The following ACTR3 variants were observed in gnomAD, a reference collection of about 807,000 sequenced individuals.
The protein encoded by ACTR3 is actin-related protein 3.
Under a neutral mutation model 56.8 loss-of-function variants are expected in ACTR3, and 12 were observed. The ratio of observed to expected loss-of-function variants is 0.21; its 90% confidence interval spans 0.14 to 0.34. ACTR3 has a LOEUF of 0.34. Ranked by LOEUF, ACTR3 falls within the 10% of genes least tolerant of loss-of-function variation. The pLI, the probability that ACTR3 is intolerant of heterozygous loss-of-function variation, is 1.00. For missense variants in ACTR3, 282 were observed against 512.5 expected (o/e 0.55, Z 4.34); for synonymous variants, 162 against 167.4 (o/e 0.97, Z 0.25).
intron 6 of ACTR3, among the ~76,000 whole-genome samples, chr2:113,937,991 A>G (rs6710525): frequency 0.12 from 18,612 of 151,952 alleles, 1,822 homozygotes; most frequent in African/African-American, 0.27. Flanking sequence ...GCTGCTTCAC[A>G]GTGTCTCAAA....
intron 1 of ACTR3, among the ~76,000 whole-genome samples, chr2:113,891,110 A>G (rs2104574874): frequency 6.6e-6 from 1 of 152,226 alleles, no homozygotes. Context: ...TTAGTTTCCA[A>G]CCTGAGCACA....
intron 1 of ACTR3, among the ~76,000 whole-genome samples, chr2:113,899,285 ATG>A (rs1188137423): frequency 6.6e-6 from 1 of 152,220 alleles, no homozygotes; most frequent in Non-Finnish European, 1.5e-5. Flanking sequence ...CAATTTGAAA[ATG>A]AATAATCTCC....
chr2:113,948,540 T>C (rs1680062769), intron 8 of ACTR3, among the ~76,000 whole-genome samples: 1 of 152,186 alleles, frequency 6.6e-6, no homozygotes, highest in Non-Finnish European at 1.5e-5. Context: ...AGGACCTTTC[T>C]ATTCCCTTTT....
intron 8 of ACTR3, among the ~76,000 whole-genome samples, chr2:113,944,200 T>C (rs6738134): frequency 0.3 from 45,222 of 151,938 alleles, 11,074 homozygotes; most frequent in African/African-American, 0.67. Context: ...TTGTTACTTA[T>C]CTCAGTGAGA....
intron 8 of ACTR3, among the ~76,000 whole-genome samples, chr2:113,948,245 G>A (rs924700596): frequency 4.6e-5 from 7 of 152,164 alleles, no homozygotes; most frequent in South Asian, 2.1e-4. Context: ...GTCTCCCCAG[G>A]CTCAGGTGAT....
At chr2:113,906,339 T>C (rs1012382568) in intron 1 of ACTR3, among the ~76,000 whole-genome samples, 6 of 152,304 alleles carry the variant, frequency 3.9e-5, no homozygotes, top group Middle Eastern at 3.4e-3. Flanking sequence ...TTGGGCTTTT[T>C]TTGATTGTTG....
chr2:113,947,505 A>G (rs556798281), intron 8 of ACTR3, among the ~76,000 whole-genome samples: 1 of 152,262 alleles, frequency 6.6e-6, no homozygotes, highest in Admixed American at 6.5e-5. Context: ...AATACAAAAA[A>G]TTAGCCAGGC....
intron 1 of ACTR3, among the ~76,000 whole-genome samples, chr2:113,902,986 C>T (rs1404802397): frequency 1.3e-5 from 2 of 152,158 alleles, no homozygotes; most frequent in Non-Finnish European, 2.9e-5. Context: ...ACATAGTTAC[C>T]TTTTTTGTGT....
At chr2:113,900,863 A>C (rs1005364726) in intron 1 of ACTR3, among the ~76,000 whole-genome samples, 5 of 152,236 alleles carry the variant, frequency 3.3e-5, no homozygotes, top group Admixed American at 3.3e-4. Context: ...TCAACAGTCC[A>C]TCAGTATTTT....
intron 5 of ACTR3, 94 bp downstream of exon 5, chr2:113,931,490 A>G (rs551851710): frequency 1.5e-4 from 98 of 670,030 alleles, no homozygotes; most frequent in Admixed American, 2.3e-4. Flanking sequence ...TTTTCTGCAA[A>G]GGTTTAAACA....
At chr2:113,918,865 A>G (rs1031442210) in intron 3 of ACTR3, among the ~76,000 whole-genome samples, 2 of 152,228 alleles carry the variant, frequency 1.3e-5, no homozygotes, top group African/African-American at 2.4e-5. Flanking sequence ...AAAACCAGAT[A>G]ATTGACTATT....
intron 1 of ACTR3, among the ~76,000 whole-genome samples, chr2:113,902,534 A>G (rs1347514928): frequency 3.3e-5 from 5 of 151,994 alleles, no homozygotes; most frequent in African/African-American, 7.2e-5. Context: ...CATTACTGCC[A>G]TAGTAAGAGC....
Position 113,927,347 on chromosome 2 carries a change from G to T in ACTR3, c.228G>T (p.Trp76Cys). Residue 76 changes from tryptophan (W) to cysteine (C), a missense_variant and splice_region_variant, in exon 4 of 12, where the codon TGG becomes TGT. Trp to Cys is a radical substitution (Grantham distance 215). Transcript: ENST00000263238. ...AIEKPTYATKWPIRHGIVEDW... is the reference protein window; with the variant it reads ...AIEKPTYATKCPIRHGIVEDW... The stretch of plus-strand genomic sequence containing the variant: ...TATTTCCCTTTTTGTTTTAATAGTG[G>T]CCAATCCGCCATGGTATAGTTGAAG... 3 of 1,540,960 alleles carry T rather than the reference G, an allele frequency of 1.9e-6. No homozygotes were observed. Among genetic ancestry groups the T allele is most frequent in the South Asian group, 1.3e-5 (1 of 76,722 alleles).
chr2:113,936,022 G>A lies in ACTR3; in HGVS notation c.540+1636G>A, dbSNP rs183278526. Among the ~76,000 whole-genome samples, 180 of 152,290 alleles carry A rather than the reference G, an allele frequency of 1.2e-3. 1 individual carries two copies. The Middle Eastern group carries it at 0.014, about 12-fold the overall frequency. On this transcript the variant is annotated intron_variant, in intron 6 of 11. Coordinates refer to ENST00000263238, the MANE Select transcript of ACTR3 (RefSeq NM_005721.5). ...AAGAGTGGGTATTCTGGCTGGTATG[G>A]TGGCTCATGCCTGTAATCCCAGCAC...
At chr2:113,906,684 T>TG (rs1679197229) in intron 1 of ACTR3, among the ~76,000 whole-genome samples, 1 of 152,202 alleles carries the variant, frequency 6.6e-6, no homozygotes. Flanking sequence ...CTTTTGCATG[T>TG]GGATATCCAG....
At chr2:113,942,456 C>T in intron 8 of ACTR3, 97 bp downstream of exon 8, 1 of 764,040 alleles carries the variant, frequency 1.3e-6, no homozygotes, top group Non-Finnish European at 1.9e-6. Context: ...TTTATTAGTA[C>T]ACTAAAAGTT....
chr2:113,905,155 A>G (rs886867927), intron 1 of ACTR3: 15 of 152,118 alleles, frequency 9.9e-5, no homozygotes, highest in African/African-American at 3.4e-4. Flanking sequence ...TTTAAACTTT[A>G]TATTTGATAC....
At chr2:113,903,586 A>G (rs1236839061) in intron 1 of ACTR3, among the ~76,000 whole-genome samples, 2 of 147,658 alleles carry the variant, frequency 1.4e-5, no homozygotes, top group Admixed American at 6.8e-5. Context: ...GCTGGGCTAG[A>G]GTGCAGTAGC....
At chr2:113,897,518 ATTTTTTTTTTTT>A (rs58363370) in intron 1 of ACTR3, among the ~76,000 whole-genome samples, 1 of 98,900 alleles carries the variant, frequency 1.0e-5, no homozygotes, top group Non-Finnish European at 2.3e-5. Context: ...GCCAGATGTT[ATTTTTTTTTTTT>A]TTTTTTTTTT....
Sources: allele counts gnomAD v4.1 joint callset (sites outside exome capture counted in the v4.1 genomes callset), GRCh38; gene constraint gnomAD v4.1.1; transcripts MANE v1.5; gene names NCBI Gene and HGNC (gene_info 2026-07-23, HGNC 2026-07-21).